The following ATF6 variants were observed in gnomAD, a reference collection of about 807,000 sequenced individuals.
ATF6 encodes activating transcription factor 6.
Under a neutral mutation model 83.6 loss-of-function variants are expected in ATF6, and 53 were observed. The ratio of observed to expected loss-of-function variants is 0.63; its 90% CI spans 0.51 to 0.80. The LOEUF is 0.80. Among genes scored for constraint, ATF6 ranks in the 30% least tolerant of loss-of-function variants. The pLI, the probability that ATF6 is intolerant of heterozygous loss-of-function variation, is 0.00. For missense variants in ATF6, 744 were observed against 797.9 expected (o/e 0.93, Z 0.81); for synonymous variants, 288 against 285.8 (o/e 1.01, Z -0.08).
At chr1:161,776,790 T>C (rs547413061) in intron 1 of ATF6, among the ~76,000 whole-genome samples, 2 of 152,200 alleles carry the variant, frequency 1.3e-5, no homozygotes, top group East Asian at 3.9e-4. Context: ...ACATGCATCT[T>C]GAAGTGTGGG....
chr1:161,848,932 CTT>C (rs781537056), intron 10 of ATF6, among the ~76,000 whole-genome samples: 4 of 140,184 alleles, frequency 2.9e-5, no homozygotes, highest in Admixed American at 7.2e-5. Context: ...TCCTATCAGA[CTT>C]TTTTTTTTTT....
At chr1:161,952,933 C>T (rs1024835111) in intron 15 of ATF6, among the ~76,000 whole-genome samples, 4 of 152,152 alleles carry the variant, frequency 2.6e-5, no homozygotes, top group Non-Finnish European at 5.9e-5. Context: ...TGAAGCCATA[C>T]TGCTTAGGTT....
intron 1 of ATF6, among the ~76,000 whole-genome samples, chr1:161,774,736 A>G (rs1684476249): frequency 6.6e-6 from 1 of 152,210 alleles, no homozygotes; most frequent in Non-Finnish European, 1.5e-5. Flanking sequence ...TTGATACAAC[A>G]GTGTCATCCA....
intron 15 of ATF6, among the ~76,000 whole-genome samples, chr1:161,957,343 C>T (rs553692087): frequency 7.2e-5 from 11 of 152,256 alleles, no homozygotes; most frequent in African/African-American, 2.4e-4. Context: ...CCCCACACCC[C>T]GCTCTGGATT....
chr1:161,872,637 C>T (rs539981082), intron 14 of ATF6, among the ~76,000 whole-genome samples: 1 of 151,578 alleles, frequency 6.6e-6, no homozygotes, highest in Admixed American at 6.6e-5. Flanking sequence ...ACGAGGCTGT[C>T]AGTGGTATCA....
At position 161,958,624 on chromosome 1, in the gene ATF6, T is replaced by C. The variant is rs1478973108; in HGVS notation, c.1983T>C (p.Val661=). The change falls in exon 16 of 16, where the codon GTT becomes GTC. Residue 661 remains valine, a synonymous_variant. Coordinates refer to ENST00000367942, the MANE Select transcript of ATF6 (RefSeq NM_007348.4). The part of the protein sequence containing the change: ...SPPAATEATH[V]VSTIPESLQ ...CCGCAGCCACAGAGGCAACCCACGT[T>C]GTCAGCACCATCCCTGAGTCATTAC... is the stretch of plus-strand genomic sequence containing the variant. 19 of 1,613,510 alleles carry C rather than the reference T, an allele frequency of 1.2e-5. No homozygotes were observed. Among genetic ancestry groups the C allele is most frequent in the Non-Finnish European group, 1.6e-5 (19 of 1,179,836 alleles).
At chr1:161,923,503 T>C (rs1688255338) in intron 15 of ATF6, among the ~76,000 whole-genome samples, 1 of 152,156 alleles carries the variant, frequency 6.6e-6, no homozygotes, top group East Asian at 1.9e-4. Context: ...CTCTCTACTA[T>C]AAGGTAAACC....
intron 9 of ATF6, among the ~76,000 whole-genome samples, chr1:161,834,719 T>G (rs1228370718): frequency 6.6e-6 from 1 of 151,994 alleles, no homozygotes; most frequent in Non-Finnish European, 1.5e-5. Flanking sequence ...GGCACATGTA[T>G]ACATATGTAA....
intron 4 of ATF6, among the ~76,000 whole-genome samples, chr1:161,788,616 A>G (rs1220919924): frequency 2.0e-5 from 3 of 151,834 alleles, no homozygotes; most frequent in Admixed American, 6.6e-5. Flanking sequence ...AAGTCCTTCT[A>G]TGCTTTTAGA....
Position 161,792,301 on chromosome 1 carries a change from T to G in ATF6, c.662T>G (p.Ile221Ser). ...CCATTGGCAAAGCAGCAACCAATTA[T>G]CAGTTTACAACCTGCACCCACTAAA... is the stretch of plus-strand genomic sequence containing the variant. ...LMPLAKQQPI[I>S]SLQPAPTKGQ... The change falls in exon 6 of 16, where the codon ATC (isoleucine) becomes AGC (serine). Residue 221 changes from isoleucine (I) to serine (S), a missense_variant. Ile to Ser is a moderately radical substitution (Grantham distance 142, BLOSUM62 -2). Coordinates refer to ENST00000367942, the MANE Select transcript of ATF6 (RefSeq NM_007348.4). The G allele has an allele frequency of 6.2e-7, 1 of 1,613,974 alleles. No individual in the cohort carries two copies. The highest frequency in any genetic ancestry group is 8.5e-7 in the Non-Finnish European group (1 of 1,179,998).
intron 2 of ATF6, among the ~76,000 whole-genome samples, chr1:161,781,284 T>C (rs1175626812): frequency 1.3e-5 from 2 of 152,162 alleles, no homozygotes; most frequent in African/African-American, 4.8e-5. Flanking sequence ...TTTTAGAAAA[T>C]TAGTTTTATT....
intron 15 of ATF6, among the ~76,000 whole-genome samples, chr1:161,926,697 TG>T (rs1360938577): frequency 6.6e-6 from 1 of 152,172 alleles, no homozygotes; most frequent in Non-Finnish European, 1.5e-5. Context: ...GGGGATCATT[TG>T]GGGGCATCCT....
At chr1:161,805,738 C>CA (rs1027795290) in intron 7 of ATF6, among the ~76,000 whole-genome samples, 1 of 150,398 alleles carries the variant, frequency 6.6e-6, no homozygotes, top group Admixed American at 6.6e-5. Context: ...TTAAAATGAT[C>CA]AAAAAAATAT....
At chr1:161,829,618 G>A (rs1197073075) in intron 9 of ATF6, among the ~76,000 whole-genome samples, 1 of 152,006 alleles carries the variant, frequency 6.6e-6, no homozygotes, top group African/African-American at 2.4e-5. Flanking sequence ...GATCAAGTGG[G>A]CTTCATCCCT....
chr1:161,942,380 C>T (rs1385453332), intron 15 of ATF6, among the ~76,000 whole-genome samples: 1 of 152,200 alleles, frequency 6.6e-6, no homozygotes, highest in Non-Finnish European at 1.5e-5. Flanking sequence ...TCCTGTGCTC[C>T]AGAATGCAGT....
chr1:161,835,514 T>C (rs1686192116), intron 9 of ATF6, among the ~76,000 whole-genome samples: 1 of 152,224 alleles, frequency 6.6e-6, no homozygotes, highest in Admixed American at 6.5e-5. Context: ...AGTTTTGTAT[T>C]TCTTTCTTCC....
intron 1 of ATF6, among the ~76,000 whole-genome samples, chr1:161,771,137 C>T (rs1249926894): frequency 6.6e-6 from 1 of 152,058 alleles, no homozygotes; most frequent in Non-Finnish European, 1.5e-5. Context: ...CTCCTCTCTC[C>T]TTCTCTCTTC....
intron 14 of ATF6, among the ~76,000 whole-genome samples, chr1:161,895,542 G>T (rs1414925511): frequency 6.6e-5 from 10 of 152,090 alleles, no homozygotes; most frequent in Admixed American, 6.6e-4. Flanking sequence ...TATTTTTAAG[G>T]CTCTGTTTCC....
At chr1:161,935,725 C>T (rs891583638) in intron 15 of ATF6, among the ~76,000 whole-genome samples, 2 of 152,192 alleles carry the variant, frequency 1.3e-5, no homozygotes, top group Non-Finnish European at 2.9e-5. Context: ...GTAATTTTCT[C>T]ATATGAGACT....
Sources: gnomAD v4.1 joint callset for allele counts (sites outside exome capture counted in the v4.1 genomes callset) on GRCh38, gnomAD v4.1.1 for gene constraint, MANE v1.5 for transcripts, NCBI Gene and HGNC (gene_info 2026-07-23, HGNC 2026-07-21) for gene names.